RIPOR3: variants seen among roughly 807,000 people sequenced by gnomAD.
RIPOR3 encodes family with sequence similarity 65 member C.
RIPOR3 carries 95 observed loss-of-function variants against 114.3 expected under a neutral mutation model. The ratio of observed to expected loss-of-function variants is 0.83; its 90% confidence interval spans 0.70 to 0.99. The LOEUF is 0.99. RIPOR3 is among the 50% of genes least tolerant of loss of function. The pLI is 0.00. For missense variants in RIPOR3, 1,252 were observed against 1,266.9 expected, an observed-to-expected ratio of 0.99 and a Z score of 0.18; for synonymous variants, 575 against 543.8, an observed-to-expected ratio of 1.06 and a Z score of -0.80.
In RIPOR3 at chr20:50,652,540, G is replaced by A. The variant is rs190731992; in HGVS notation, c.4-21684C>T. Among the ~76,000 whole-genome samples, 6 of 136,360 alleles carry A rather than the reference G, an allele frequency of 4.4e-5. No homozygotes were observed. In the East Asian group the frequency reaches 6.7e-4, roughly 15 times the overall value. 89.5% of individuals were successfully genotyped at this position (136,360 alleles called of 152,430 possible). On this transcript the variant is annotated intron_variant, in intron 1 of 21. Transcript: ENST00000327979. ...TGGGAGGTGGAGGTTGCAGTGAGCC[G>A]AGATTGCAACACGGCACTCCAGCCT... is the stretch of plus-strand genomic sequence containing the variant.
Position 50,642,375 on chromosome 20 carries a change from TGTGA to T in RIPOR3, c.4-11523_4-11520del, listed in dbSNP as rs1168176999. 5.0e-5 allele frequency among the ~76,000 whole-genome samples: 7 copies of T among 138,978 alleles called. 1 individual carries two copies. Among genetic ancestry groups the T allele is most frequent in the South Asian group, 4.5e-4 (2 of 4,488 alleles). The allele number at this position is 138,978 out of a possible 152,430, so 91.2% of individuals were successfully genotyped here. ...GTGTGTGTGTGTGTGTGTGTGTGTGTGTGAGAGAGAGAGAAACAGGGAGAGAGAT... is the reference window on the plus strand; with the variant it reads ...GTGTGTGTGTGTGTGTGTGTGTGTGTGAGAGAGAGAAACAGGGAGAGAGAT... On this transcript the variant is annotated intron_variant, in intron 1 of 21. Coordinates refer to ENST00000327979, the MANE Select transcript of RIPOR3 (RefSeq NM_001290268.2).
intron 1 of RIPOR3, among the ~76,000 whole-genome samples, chr20:50,635,862 C>A (rs952453158): frequency 3.3e-5 from 5 of 152,224 alleles, no homozygotes; most frequent in Admixed American, 6.5e-5. Context: ...GACACGCCCC[C>A]CTCCCAGGAG....
At chr20:50,651,579 A>T (rs2085614169) in intron 1 of RIPOR3, among the ~76,000 whole-genome samples, 1 of 152,172 alleles carries the variant, frequency 6.6e-6, no homozygotes, top group Non-Finnish European at 1.5e-5. Context: ...AGTCAGATGG[A>T]ACGGTGTTCG....
In RIPOR3 at chr20:50,602,247, G is replaced by A. The variant is rs147584980; in HGVS notation, c.1484C>T (p.Ser495Leu). 1.8e-3 allele frequency: 2,937 copies of A among 1,613,890 alleles called. 58 individuals are homozygous for A. In the African/African-American group the frequency reaches 0.034, roughly 18 times the overall value. ...TTCCTCGTGGCCGTTCTGGCTACTC[G>A]AGGCTGTGCCGCTGTGGAACAGGGA... The part of the protein sequence containing the change: ...QGSLFHSGTA[S>L]SSQNGHEEGA... Residue 495 changes from serine (S) to leucine (L), a missense_variant, in exon 13 of 22, where the codon TCG (serine) becomes TTG (leucine). Transcript: ENST00000327979. This position sits in a 1 kb window ranked among gnomAD's most constrained non-coding sequence, Gnocchi z 4.3.
intron 11 of RIPOR3, among the ~76,000 whole-genome samples, chr20:50,607,010 G>A (rs1259971244): frequency 2.0e-5 from 3 of 152,174 alleles, no homozygotes; most frequent in Non-Finnish European, 4.4e-5. Flanking sequence ...GATTATAGGT[G>A]TGAGCCACCG....
chr20:50,655,098 T>C (rs991975248), intron 1 of RIPOR3, among the ~76,000 whole-genome samples: 4 of 152,244 alleles, frequency 2.6e-5, no homozygotes, highest in African/African-American at 9.6e-5. Context: ...AATTTCTCCC[T>C]GGGTAGCGAA....
intron 3 of RIPOR3, among the ~76,000 whole-genome samples, chr20:50,616,603 G>A (rs539361572): frequency 2.6e-5 from 4 of 152,180 alleles, no homozygotes; most frequent in South Asian, 2.1e-4. Flanking sequence ...CTTGGCCTCC[G>A]AAAGTGCTGG....
chr20:50,612,872 C>T (rs1568860252), intron 4 of RIPOR3, among the ~76,000 whole-genome samples: 1 of 152,178 alleles, frequency 6.6e-6, no homozygotes, highest in African/African-American at 2.4e-5. Context: ...GCAGGAGGAT[C>T]ACCTGAGCCC....
chr20:50,623,877 G>A (rs185148568), intron 2 of RIPOR3, among the ~76,000 whole-genome samples: 4 of 152,226 alleles, frequency 2.6e-5, no homozygotes, highest in East Asian at 3.9e-4. Context: ...TCGCTCTGTC[G>A]ACAGGCTGGA....
At chr20:50,651,836 C>T (rs2085623175) in intron 1 of RIPOR3, among the ~76,000 whole-genome samples, 1 of 152,170 alleles carries the variant, frequency 6.6e-6, no homozygotes, top group African/African-American at 2.4e-5. Flanking sequence ...GCCTACACAC[C>T]AGAGAAGAGG....
chr20:50,609,252 C>T, intron 8 of RIPOR3, 41 bp downstream of exon 8: 1 of 1,604,278 alleles, frequency 6.2e-7, no homozygotes, highest in Non-Finnish European at 8.5e-7. Context: ...GTCTCAGGGC[C>T]TCCAGAAAGG....
intron 11 of RIPOR3, 129 bp from the exon 12 acceptor site, chr20:50,604,903 T>G (rs1269641110): frequency 2.6e-6 from 3 of 1,149,810 alleles, no homozygotes; most frequent in East Asian, 2.8e-5. Context: ...GCATGGATGG[T>G]GTGTGAGGAG....
At chr20:50,689,670 A>C (rs1416421957) in intron 1 of RIPOR3, among the ~76,000 whole-genome samples, 1 of 152,190 alleles carries the variant, frequency 6.6e-6, no homozygotes, top group Non-Finnish European at 1.5e-5. Flanking sequence ...TCAAGGTCAC[A>C]GAGAAAATCC....
chr20:50,650,814 C>T (rs1160156897), intron 1 of RIPOR3, among the ~76,000 whole-genome samples: 2 of 152,152 alleles, frequency 1.3e-5, no homozygotes, highest in African/African-American at 4.8e-5. Flanking sequence ...CGCTCGACTT[C>T]TCTAACCCGT....
chr20:50,653,263 C>G (rs1338013720), intron 1 of RIPOR3: 1 of 152,072 alleles, frequency 6.6e-6, no homozygotes, highest in Non-Finnish European at 1.5e-5. Context: ...CAGGCAAATC[C>G]AGAGAGACAG....
chr20:50,691,208 G>T lies in RIPOR3; in HGVS notation c.-80C>A. ...ACTTTCCCTATTGCCGCCAGCAAGC[G>T]TCTGCTCCCATCTGGCCCGGGACTC... On this transcript the variant is annotated 5_prime_UTR_variant, in exon 1 of 22. Coordinates refer to ENST00000327979, the MANE Select transcript of RIPOR3 (RefSeq NM_001290268.2). 1 of 1,288,750 alleles carries T rather than the reference G, an allele frequency of 7.8e-7. No homozygotes were observed. Among genetic ancestry groups the T allele is most frequent in the Non-Finnish European group, 1.0e-6 (1 of 988,298 alleles). 79.8% of individuals were successfully genotyped at this position (1,288,750 alleles called of 1,614,324 possible).
At chr20:50,622,644 C>T (rs2084458947) in intron 2 of RIPOR3, among the ~76,000 whole-genome samples, 1 of 151,016 alleles carries the variant, frequency 6.6e-6, no homozygotes, top group Non-Finnish European at 1.5e-5. Flanking sequence ...GTGAAGCAGA[C>T]CTCCCAACAC....
intron 3 of RIPOR3, among the ~76,000 whole-genome samples, chr20:50,618,814 G>A (rs559621898): frequency 1.3e-5 from 2 of 152,218 alleles, no homozygotes; most frequent in South Asian, 2.1e-4. Context: ...AGTGGCTTAT[G>A]TCTGTAATCC....
chr20:50,616,163 C>T (rs878860550), intron 3 of RIPOR3, 83 bp from the exon 4 acceptor site: 80 of 1,402,370 alleles, frequency 5.7e-5, no homozygotes, highest in Non-Finnish European at 7.0e-5. Context: ...AATGTCCCCA[C>T]GTGGAGAGCA....
Sources: allele counts gnomAD v4.1 joint callset (sites outside exome capture counted in the v4.1 genomes callset), GRCh38; gene constraint gnomAD v4.1.1; non-coding constraint Gnocchi (gnomAD v3.1); transcripts MANE v1.5; gene names NCBI Gene and HGNC (gene_info 2026-07-23, HGNC 2026-07-21).